SNX17: variants seen among roughly 807,000 people sequenced by gnomAD.
SNX17 encodes sorting nexin 17.
SNX17 carries 35 observed loss-of-function variants against 64.3 expected under a neutral mutation model. The observed-to-expected ratio is 0.54, with a 90% CI of 0.42 to 0.72. The LOEUF is 0.72. SNX17 is among the 30% of genes least tolerant of loss of function. The pLI, the probability that SNX17 is intolerant of heterozygous loss-of-function variation, is 0.00. For missense variants in SNX17, 538 were observed against 610.0 expected, an observed-to-expected ratio of 0.88 and a Z score of 1.24; for synonymous variants, 259 against 230.2, an observed-to-expected ratio of 1.13 and a Z score of -1.13.
intron 7 of SNX17, 26 bp from the exon 8 acceptor site, chr2:27,374,663 C>A: frequency 6.2e-7 from 1 of 1,610,734 alleles, no homozygotes; most frequent in Non-Finnish European, 8.5e-7. Flanking sequence ...AGCCCCATTA[C>A]CCCTTTCCAC....
rs1459212536 is a variant in SNX17 at position 27,375,443 on chromosome 2, TGC to T, written c.775-62_775-61del. 1 of 1,584,826 alleles carries T rather than the reference TGC, an allele frequency of 6.3e-7. No individual in the cohort carries two copies. The highest frequency in any genetic ancestry group is 8.6e-7 in the Non-Finnish European group (1 of 1,156,212). ...ATGAGCCACCGCGCCCGACCGGGGT[TGC>T]TTTTTCTGAGCTGCCCCATTCTCCC... On this transcript the variant is annotated intron_variant, in intron 9 of 14. Coordinates refer to ENST00000233575, the MANE Select transcript of SNX17 (RefSeq NM_014748.4). This position sits in a 1 kb window ranked among gnomAD's most constrained non-coding sequence, Gnocchi z 4.1.
chr2:27,373,668 A>G (rs934823672), intron 4 of SNX17, among the ~76,000 whole-genome samples, 193 bp from the exon 5 acceptor site: 3 of 152,186 alleles, frequency 2.0e-5, no homozygotes, highest in African/African-American at 7.2e-5. Context: ...CAGCCAGGCC[A>G]TGTCATCTTA....
At chr2:27,374,867 C>T in intron 8 of SNX17, 109 bp downstream of exon 8, 1 of 1,113,340 alleles carries the variant, frequency 9.0e-7, no homozygotes, top group South Asian at 1.3e-5. Flanking sequence ...GGGGAAGTTC[C>T]TAGAATACTA....
chr2:27,375,166 T>TC lies in SNX17; in HGVS notation c.774+15dup. On this transcript the variant is annotated intron_variant, in intron 9 of 14. Coordinates refer to ENST00000233575, the MANE Select transcript of SNX17 (RefSeq NM_014748.4). This position sits in a 1 kb window ranked among gnomAD's most constrained non-coding sequence, Gnocchi z 4.1. ...CTCCAAGAAGGAGGTGAGCCCTGCC[T>TC]CCTCTCTGTCTTCCTCTAAGGGCTT... The TC allele has an allele frequency of 6.2e-7, 1 of 1,611,498 alleles. No homozygotes were observed. Among genetic ancestry groups the TC allele is most frequent in the South Asian group, 1.1e-5 (1 of 91,012 alleles).
At chr2:27,371,011 C>T (rs528570250) in intron 1 of SNX17, among the ~76,000 whole-genome samples, 2 of 152,244 alleles carry the variant, frequency 1.3e-5, no homozygotes, top group Non-Finnish European at 2.9e-5. Context: ...TAGGCCGGGT[C>T]GCTTCCCCGA....
chr2:27,373,086 T>A (rs770916426), intron 3 of SNX17, 161 bp from the exon 4 acceptor site: 32 of 1,556,100 alleles, frequency 2.1e-5, no homozygotes, highest in Non-Finnish European at 2.8e-5. Flanking sequence ...GTGGGGCAGG[T>A]GAAGAATTTA....
At chr2:27,372,888 T>C in intron 3 of SNX17, 148 bp downstream of exon 3, 6 of 1,260,020 alleles carry the variant, frequency 4.8e-6, no homozygotes, top group Non-Finnish European at 2.3e-6. Flanking sequence ...AAGTAAATAG[T>C]GTACGAGGAT....
rs1220337783 is a variant in SNX17, at chr2:27,374,539, G to A, written c.611+106G>A. 10 of 1,265,932 alleles carry A rather than the reference G, an allele frequency of 7.9e-6. No homozygotes were observed. In the Admixed American group the frequency reaches 1.4e-4, roughly 18 times the overall value. 78.4% of individuals were successfully genotyped at this position (1,265,932 alleles called of 1,614,324 possible). ...ATCTGGACAAGGGGGTGTAGTGCTG[G>A]GTGTTTCTGCCAGGCCTCCCAAGCT... On this transcript the variant is annotated intron_variant, in intron 7 of 14. Transcript: ENST00000233575.
intron 2 of SNX17, 27 bp downstream of exon 2, chr2:27,371,370 C>G: frequency 6.3e-7 from 1 of 1,599,982 alleles, no homozygotes. Flanking sequence ...TGCCTTGAGA[C>G]AGCTTCAAGC....
At position 27,376,733 on chromosome 2, in the gene SNX17, G is replaced by C. The variant is rs1415865192; in HGVS notation, c.*14G>C. 2 of 1,603,902 alleles carry C rather than the reference G, an allele frequency of 1.2e-6. No homozygotes were observed. Among genetic ancestry groups the C allele is most frequent in the Non-Finnish European group, 1.7e-6 (2 of 1,171,032 alleles). On this transcript the variant is annotated 3_prime_UTR_variant, in exon 15 of 15. Transcript: ENST00000233575. ...GAGGATCTGTAATCTCCACTGCTTGGATGTCTGCCCTCTACCCCAGAGGAA... is the reference window on the plus strand; with the variant it reads ...GAGGATCTGTAATCTCCACTGCTTGCATGTCTGCCCTCTACCCCAGAGGAA...
In SNX17 at chr2:27,377,455, A is replaced by G. The variant is rs770822755; in HGVS notation, c.*736A>G. 2.8e-6 allele frequency: 4 copies of G among 1,417,454 alleles called. No individual in the cohort carries two copies. The highest frequency in any genetic ancestry group is 2.3e-5 in the East Asian group (1 of 43,356). 87.8% of individuals were successfully genotyped at this position (1,417,454 alleles called of 1,614,324 possible). A position where few individuals can be genotyped will look rare whatever the true frequency, so the allele number is the denominator to read the frequency against. On this transcript the variant is annotated 3_prime_UTR_variant, in exon 15 of 15. Coordinates refer to ENST00000233575, the MANE Select transcript of SNX17 (RefSeq NM_014748.4). This position sits in a 1 kb window ranked among gnomAD's most constrained non-coding sequence, Gnocchi z 4.4. ...GGTTGGGCTGGTCCTTATAGTGCCT[A>G]CGTTAGTCTGTGTGGAGCCCCTGGC...
Position 27,375,762 on chromosome 2 carries a change from G to A in SNX17, c.978+53G>A. The A allele has an allele frequency of 6.2e-7, 1 of 1,611,544 alleles. No homozygotes were observed. On this transcript the variant is annotated intron_variant, in intron 10 of 14. Coordinates refer to ENST00000233575, the MANE Select transcript of SNX17 (RefSeq NM_014748.4). The surrounding 1 kb of genome is among the most constrained non-coding windows in gnomAD (Gnocchi z 4.1). The stretch of plus-strand genomic sequence containing the variant: ...CTGGGTTGGGGGCCCGGCAAGCCTT[G>A]AGCTTAGGTATGGGCTGCAGCGGGT...
chr2:27,377,436 G>A lies in SNX17; in HGVS notation c.*717G>A. The A allele has an allele frequency of 7.9e-7, 1 of 1,262,472 alleles. No individual in the cohort carries two copies. The highest frequency in any genetic ancestry group is 1.1e-6 in the Non-Finnish European group (1 of 884,692). The allele number at this position is 1,262,472 out of a possible 1,614,324, so 78.2% of individuals were successfully genotyped here. On this transcript the variant is annotated 3_prime_UTR_variant, in exon 15 of 15. Coordinates refer to ENST00000233575, the MANE Select transcript of SNX17 (RefSeq NM_014748.4). The surrounding 1 kb of genome is among the most constrained non-coding windows in gnomAD (Gnocchi z 4.4). ...TGGGCCCCCCCGCCCATGGGGTTGG[G>A]CTGGTCCTTATAGTGCCTACGTTAG...
chr2:27,374,954 C>A (rs1373046969), intron 8 of SNX17, 107 bp from the exon 9 acceptor site: 14 of 1,089,942 alleles, frequency 1.3e-5, no homozygotes, highest in Non-Finnish European at 1.7e-5. Context: ...GCAGAGAGGT[C>A]GCTCAAGTGT....
intron 1 of SNX17, among the ~76,000 whole-genome samples, chr2:27,371,009 G>A (rs1016734794): frequency 1.8e-4 from 28 of 152,392 alleles, no homozygotes; most frequent in African/African-American, 6.3e-4. Context: ...CTTAGGCCGG[G>A]TCGCTTCCCC....
rs747544506 is a variant in SNX17 at position 27,375,742 on chromosome 2, T to C, written c.978+33T>C. On this transcript the variant is annotated intron_variant, in intron 10 of 14. Transcript: ENST00000233575. This position sits in a 1 kb window ranked among gnomAD's most constrained non-coding sequence, Gnocchi z 4.1. Reference sequence around the variant, plus strand: ...GGGTTAGGAGGGGGAAGGGCCTGGGTTGGGGGCCCGGCAAGCCTTGAGCTT... The same window carrying C: ...GGGTTAGGAGGGGGAAGGGCCTGGGCTGGGGGCCCGGCAAGCCTTGAGCTT... 2.9e-5 allele frequency: 46 copies of C among 1,611,946 alleles called. No individual in the cohort carries two copies. The highest frequency in any genetic ancestry group is 4.5e-5 in the East Asian group (2 of 44,826).
At position 27,375,672 on chromosome 2, in the gene SNX17, G is replaced by A. The variant is rs771066914; in HGVS notation, c.941G>A (p.Arg314Gln). The part of the protein sequence containing the change: ...PGQQLREGSF[R>Q]VTRMRCWRVT... The stretch of plus-strand genomic sequence containing the variant: ...CAGCAACTCCGAGAAGGCTCCTTCC[G>A]GGTCACCCGCATGCGATGCTGGCGG... Residue 314 changes from arginine to glutamine, a missense_variant, in exon 10 of 15, where the codon CGG (arginine) becomes CAG (glutamine). Physicochemically the swap from Arg to Gln is conservative, Grantham distance 43 (BLOSUM62 1). Around this residue, in one of 3 missense-constraint regions of SNX17, gnomAD observed 505 missense variants for 550.4 expected, o/e 0.92. Coordinates refer to ENST00000233575, the MANE Select transcript of SNX17 (RefSeq NM_014748.4). This position sits in a 1 kb window ranked among gnomAD's most constrained non-coding sequence, Gnocchi z 4.1. The A allele has an allele frequency of 4.3e-6, 7 of 1,614,150 alleles. No individual in the cohort carries two copies. Among genetic ancestry groups the A allele is most frequent in the Non-Finnish European group, 5.9e-6 (7 of 1,180,042 alleles).
chr2:27,372,911 G>A (rs1021300642), intron 3 of SNX17, 171 bp downstream of exon 3: 4 of 1,241,360 alleles, frequency 3.2e-6, no homozygotes, highest in African/African-American at 1.5e-5. Flanking sequence ...GTAACTCTGT[G>A]TACTAGCAAA....
At chr2:27,374,033 A>T (rs1682904551) in intron 5 of SNX17, 52 bp from the exon 6 acceptor site, 7 of 1,609,240 alleles carry the variant, frequency 4.3e-6, no homozygotes, top group Non-Finnish European at 5.1e-6. Flanking sequence ...GGGCTTGGAG[A>T]ATGATTGGAA....
Sources: allele counts gnomAD v4.1 joint callset (sites outside exome capture counted in the v4.1 genomes callset), GRCh38; gene constraint gnomAD v4.1.1; regional missense constraint gnomAD v4.1.1; non-coding constraint Gnocchi (gnomAD v3.1); transcripts MANE v1.5; gene names NCBI Gene and HGNC (gene_info 2026-07-23, HGNC 2026-07-21).